SMIM10L1: variants seen among roughly 807,000 people sequenced by gnomAD.
SMIM10L1 encodes small integral membrane protein 10 like 1.
SMIM10L1 carries 6 observed loss-of-function variants against 4.5 expected under a neutral mutation model. The observed-to-expected ratio is 1.33, with a 90% confidence interval of 0.73 to 2.62. The LOEUF is 2.62. SMIM10L1 is among the 30% of genes most tolerant of loss of function. The pLI is 0.00. For missense variants in SMIM10L1, 66 were observed against 86.2 expected, an observed-to-expected ratio of 0.77 and a Z score of 0.93; for synonymous variants, 49 against 42.2, an observed-to-expected ratio of 1.16 and a Z score of -0.63.
rs1434313444 is a variant in SMIM10L1, at chr12:11,174,848, GA to G, written c.*3289del. On this transcript the variant is annotated 3_prime_UTR_variant, in exon 1 of 1. Transcript: ENST00000622602. ...GTAATTCTCACATATACCCTGTGAG[GA>G]AAACATTTTTATCATTTTTCAGAGA... The G allele has an allele frequency of 1.3e-5, 2 of 152,356 alleles. No individual in the cohort carries two copies. The highest frequency in any genetic ancestry group is 2.9e-5 in the Non-Finnish European group (2 of 67,976). The allele number at this position is 152,356 out of a possible 1,614,324, so 9.4% of individuals were successfully genotyped here.
At position 11,171,413 on chromosome 12, in the gene SMIM10L1, G is replaced by A. The variant is rs1434357769; in HGVS notation, c.57G>A (p.Ala19=). The A allele has an allele frequency of 2.4e-6, 3 of 1,232,042 alleles. No homozygotes were observed. Among genetic ancestry groups the A allele is most frequent in the Non-Finnish European group, 3.0e-6 (3 of 987,910 alleles). 76.3% of individuals were successfully genotyped at this position (1,232,042 alleles called of 1,614,324 possible). The part of the protein sequence containing the change: ...SLAVRASSPA[A]TPTSYGVFCK... ...CCGTCAGGGCCTCAAGCCCCGCCGC[G>A]ACACCCACCTCGTACGGCGTCTTCT... Residue 19 remains alanine, a synonymous_variant, in exon 1 of 1, where the codon GCG becomes GCA. Coordinates refer to ENST00000622602, the MANE Select transcript of SMIM10L1 (RefSeq NM_001271592.2).
In SMIM10L1 at chr12:11,175,805, T is replaced by C. The variant is rs1947938134; in HGVS notation, c.*4242T>C. 6.6e-6 allele frequency: 1 copy of C among 152,152 alleles called. No homozygotes were observed. Among genetic ancestry groups the C allele is most frequent in the East Asian group, 1.9e-4 (1 of 5,182 alleles). 9.4% of individuals were successfully genotyped at this position (152,152 alleles called of 1,614,324 possible). ...GGACCTTTGGGAGGTGATCAGGTCA[T>C]AAAGATGAAACCCTCGTGAATGGGA... On this transcript the variant is annotated 3_prime_UTR_variant, in exon 1 of 1. Transcript: ENST00000622602.
At position 11,174,681 on chromosome 12, in the gene SMIM10L1, TTG is replaced by T. The variant is rs933366839; in HGVS notation, c.*3120_*3121del. On this transcript the variant is annotated 3_prime_UTR_variant, in exon 1 of 1. Coordinates refer to ENST00000622602, the MANE Select transcript of SMIM10L1 (RefSeq NM_001271592.2). ...TGTAACCTAAGGGATAGGGGAAAAG[TTG>T]TTTTTTTTTTTTTAATTCTGGGTAA... 2 of 66,034 alleles carry T rather than the reference TTG, an allele frequency of 3.0e-5. No individual in the cohort carries two copies. Among genetic ancestry groups the T allele is most frequent in the East Asian group, 2.0e-3 (1 of 488 alleles). The allele number at this position is 66,034 out of a possible 1,614,324, so 4.1% of individuals were successfully genotyped here. A position where few individuals can be genotyped will look rare whatever the true frequency, so the allele number is the denominator to read the frequency against.
rs529239315 is a variant in SMIM10L1 at position 11,171,693 on chromosome 12, G to T, written c.*130G>T. On this transcript the variant is annotated 3_prime_UTR_variant, in exon 1 of 1. Coordinates refer to ENST00000622602, the MANE Select transcript of SMIM10L1 (RefSeq NM_001271592.2). The stretch of plus-strand genomic sequence containing the variant: ...GAGTGCTCAGGCGCTCTTCGTGGCT[G>T]CCCTCTTAGCTGCTAGCGGAGCTCC... The T allele has an allele frequency of 3.6e-5, 22 of 604,292 alleles. No individual in the cohort carries two copies. Among genetic ancestry groups the T allele is most frequent in the Non-Finnish European group, 4.6e-5 (19 of 415,154 alleles). The allele number at this position is 604,292 out of a possible 1,614,324, so 37.4% of individuals were successfully genotyped here.
Position 11,175,485 on chromosome 12 carries a change from AT to A in SMIM10L1, c.*3923del, listed in dbSNP as rs1947934814. ...AGGGGTAGGATGAAAGTTGAGGAAT[AT>A]AGGGACAAAAGATGAGGGAAAGGAA... On this transcript the variant is annotated 3_prime_UTR_variant, in exon 1 of 1. Transcript: ENST00000622602. 1 of 152,344 alleles carries A rather than the reference AT, an allele frequency of 6.6e-6. No homozygotes were observed. Among genetic ancestry groups the A allele is most frequent in the African/African-American group, 2.4e-5 (1 of 41,574 alleles). 9.4% of individuals were successfully genotyped at this position (152,344 alleles called of 1,614,324 possible). A position where few individuals can be genotyped will look rare whatever the true frequency, so the allele number is the denominator to read the frequency against.
chr12:11,172,396 A>G lies in SMIM10L1; in HGVS notation c.*833A>G, dbSNP rs896049493. On this transcript the variant is annotated 3_prime_UTR_variant, in exon 1 of 1. Coordinates refer to ENST00000622602, the MANE Select transcript of SMIM10L1 (RefSeq NM_001271592.2). ...AAAATACAAGTGGGAATGTTGAAGG[A>G]GGGCGGGGGAAGTAAATGGAATGGG... 6.6e-6 allele frequency: 1 copy of G among 151,794 alleles called. No homozygotes were observed. The highest frequency in any genetic ancestry group is 2.4e-5 in the African/African-American group (1 of 41,246). 9.4% of individuals were successfully genotyped at this position (151,794 alleles called of 1,614,324 possible).
At position 11,171,413 on chromosome 12, in the gene SMIM10L1, G is replaced by C. The variant is rs1434357769; in HGVS notation, c.57G>C (p.Ala19=). The part of the protein sequence containing the change: ...SLAVRASSPA[A]TPTSYGVFCK... ...CCGTCAGGGCCTCAAGCCCCGCCGC[G>C]ACACCCACCTCGTACGGCGTCTTCT... Residue 19 remains alanine, a synonymous_variant, in exon 1 of 1, where the codon GCG becomes GCC. Transcript: ENST00000622602. 3 of 1,232,042 alleles carry C rather than the reference G, an allele frequency of 2.4e-6. No homozygotes were observed. Among genetic ancestry groups the C allele is most frequent in the Non-Finnish European group, 2.0e-6 (2 of 987,910 alleles). 76.3% of individuals were successfully genotyped at this position (1,232,042 alleles called of 1,614,324 possible).
In SMIM10L1 at chr12:11,171,318, C is replaced by G. The variant is rs1047420616; in HGVS notation, c.-39C>G. On this transcript the variant is annotated 5_prime_UTR_variant, in exon 1 of 1. Transcript: ENST00000622602. ...GGAGGTCCGCGGGCCCTGCGGCAACCCTCGCTACAGACGCTGGGCGGGCGG... is the reference window on the plus strand; with the variant it reads ...GGAGGTCCGCGGGCCCTGCGGCAACGCTCGCTACAGACGCTGGGCGGGCGG... The G allele has an allele frequency of 3.3e-6, 4 of 1,213,496 alleles. No homozygotes were observed. The African/African-American group carries it at 6.2e-5, about 19-fold the overall frequency. The allele number at this position is 1,213,496 out of a possible 1,614,324, so 75.2% of individuals were successfully genotyped here.
Position 11,171,951 on chromosome 12 carries a change from G to T in SMIM10L1, c.*388G>T. On this transcript the variant is annotated 3_prime_UTR_variant, in exon 1 of 1. Transcript: ENST00000622602. Reference sequence around the variant, plus strand: ...CGGGAATCCTCGGACTGGATTGTAAGCAAGATTTCAATGAATAAGAAGCTG... The same window carrying T: ...CGGGAATCCTCGGACTGGATTGTAATCAAGATTTCAATGAATAAGAAGCTG... The T allele has an allele frequency of 6.3e-6, 1 of 159,002 alleles. No individual in the cohort carries two copies. Among genetic ancestry groups the T allele is most frequent in the Non-Finnish European group, 1.4e-5 (1 of 72,784 alleles). The allele number at this position is 159,002 out of a possible 1,614,324, so 9.8% of individuals were successfully genotyped here.
rs1565732104 is a variant in SMIM10L1 at position 11,172,166 on chromosome 12, TC to T, written c.*605del. 6.6e-6 allele frequency: 1 copy of T among 152,226 alleles called. No individual in the cohort carries two copies. The highest frequency in any genetic ancestry group is 1.5e-5 in the Non-Finnish European group (1 of 68,040). 9.4% of individuals were successfully genotyped at this position (152,226 alleles called of 1,614,324 possible). A position where few individuals can be genotyped will look rare whatever the true frequency, so the allele number is the denominator to read the frequency against. ...AAGAAAATGGGCTCTACTTCAGTGA[TC>T]CTGTGGCAGGACGTGGATCAAGACT... is the stretch of plus-strand genomic sequence containing the variant. On this transcript the variant is annotated 3_prime_UTR_variant, in exon 1 of 1. Coordinates refer to ENST00000622602, the MANE Select transcript of SMIM10L1 (RefSeq NM_001271592.2).
At position 11,173,793 on chromosome 12, in the gene SMIM10L1, A is replaced by T. The variant is rs1327132147; in HGVS notation, c.*2230A>T. The T allele has an allele frequency of 1.3e-5, 2 of 152,034 alleles. No homozygotes were observed. Among genetic ancestry groups the T allele is most frequent in the Non-Finnish European group, 2.9e-5 (2 of 67,990 alleles). The allele number at this position is 152,034 out of a possible 1,614,324, so 9.4% of individuals were successfully genotyped here. A position where few individuals can be genotyped will look rare whatever the true frequency, so the allele number is the denominator to read the frequency against. ...CTTTGTATTTATTACATCCTCCAACATAATTGGCAGCTCTGTGAGGGAAGA... is the reference window on the plus strand; with the variant it reads ...CTTTGTATTTATTACATCCTCCAACTTAATTGGCAGCTCTGTGAGGGAAGA... On this transcript the variant is annotated 3_prime_UTR_variant, in exon 1 of 1. Coordinates refer to ENST00000622602, the MANE Select transcript of SMIM10L1 (RefSeq NM_001271592.2).
In SMIM10L1 at chr12:11,174,362, T is replaced by C. The variant is rs1947917236; in HGVS notation, c.*2799T>C. On this transcript the variant is annotated 3_prime_UTR_variant, in exon 1 of 1. Transcript: ENST00000622602. Reference sequence around the variant, plus strand: ...TAGCTAATAAATATTGTTGAATGGATAGATGAATGGCAATTTTGTTGGTAT... The same window carrying C: ...TAGCTAATAAATATTGTTGAATGGACAGATGAATGGCAATTTTGTTGGTAT... The C allele has an allele frequency of 2.0e-5, 3 of 152,254 alleles. No homozygotes were observed. The South Asian group carries it at 6.2e-4, about 32-fold the overall frequency. The allele number at this position is 152,254 out of a possible 1,614,324, so 9.4% of individuals were successfully genotyped here.
In SMIM10L1 at chr12:11,171,594, C is replaced by T; in HGVS notation, c.*31C>T. 2 of 1,223,366 alleles carry T rather than the reference C, an allele frequency of 1.6e-6. No homozygotes were observed. The highest frequency in any genetic ancestry group is 2.0e-6 in the Non-Finnish European group (2 of 979,960). 75.8% of individuals were successfully genotyped at this position (1,223,366 alleles called of 1,614,324 possible). On this transcript the variant is annotated 3_prime_UTR_variant, in exon 1 of 1. Transcript: ENST00000622602. Reference sequence around the variant, plus strand: ...TGACTAAGCTAACGGCCTCCGGGGCCAGCATGATGGCCGACTCCCAGGGTC... The same window carrying T: ...TGACTAAGCTAACGGCCTCCGGGGCTAGCATGATGGCCGACTCCCAGGGTC...
rs1267468092 is a variant in SMIM10L1 at position 11,175,526 on chromosome 12, G to C, written c.*3963G>C. The C allele has an allele frequency of 6.6e-6, 1 of 152,184 alleles. No individual in the cohort carries two copies. The highest frequency in any genetic ancestry group is 1.5e-5 in the Non-Finnish European group (1 of 68,022). The allele number at this position is 152,184 out of a possible 1,614,324, so 9.4% of individuals were successfully genotyped here. ...AGGGAAAGGAATATCCTAATACTTG[G>C]AAGTTTGAGCATGGAAAGTAGTCTA... is the stretch of plus-strand genomic sequence containing the variant. On this transcript the variant is annotated 3_prime_UTR_variant, in exon 1 of 1. Coordinates refer to ENST00000622602, the MANE Select transcript of SMIM10L1 (RefSeq NM_001271592.2).
rs1565734030 is a variant in SMIM10L1 at position 11,174,185 on chromosome 12, AAAC to A, written c.*2625_*2627del. On this transcript the variant is annotated 3_prime_UTR_variant, in exon 1 of 1. Coordinates refer to ENST00000622602, the MANE Select transcript of SMIM10L1 (RefSeq NM_001271592.2). Reference sequence around the variant, plus strand: ...AATTCAGTGAAATTCCCAGGAGACAAAACAAGATTTTGACCTGAATAAACCACT... The same window carrying A: ...AATTCAGTGAAATTCCCAGGAGACAAAAGATTTTGACCTGAATAAACCACT... 6.6e-6 allele frequency: 1 copy of A among 152,022 alleles called. No homozygotes were observed. Among genetic ancestry groups the A allele is most frequent in the Non-Finnish European group, 1.5e-5 (1 of 67,982 alleles). 9.4% of individuals were successfully genotyped at this position (152,022 alleles called of 1,614,324 possible). A position where few individuals can be genotyped will look rare whatever the true frequency, so the allele number is the denominator to read the frequency against.
rs1179527934 is a variant in SMIM10L1, at chr12:11,175,475, G to A, written c.*3912G>A. The A allele has an allele frequency of 1.3e-5, 2 of 152,176 alleles. No homozygotes were observed. Among genetic ancestry groups the A allele is most frequent in the Non-Finnish European group, 2.9e-5 (2 of 68,028 alleles). 9.4% of individuals were successfully genotyped at this position (152,176 alleles called of 1,614,324 possible). The stretch of plus-strand genomic sequence containing the variant: ...AGAAGCATAAAGGGGTAGGATGAAA[G>A]TTGAGGAATATAGGGACAAAAGATG... On this transcript the variant is annotated 3_prime_UTR_variant, in exon 1 of 1. Coordinates refer to ENST00000622602, the MANE Select transcript of SMIM10L1 (RefSeq NM_001271592.2).
rs1947871737 is a variant in SMIM10L1, at chr12:11,172,235, G to C, written c.*672G>C. 1 of 152,186 alleles carries C rather than the reference G, an allele frequency of 6.6e-6. No individual in the cohort carries two copies. Among genetic ancestry groups the C allele is most frequent in the South Asian group, 2.1e-4 (1 of 4,822 alleles). The allele number at this position is 152,186 out of a possible 1,614,324, so 9.4% of individuals were successfully genotyped here. ...AAATCCCATAGTAGCACAAAGCTTG[G>C]CTGTTCAGTGAATAACATTTAAATA... is the stretch of plus-strand genomic sequence containing the variant. On this transcript the variant is annotated 3_prime_UTR_variant, in exon 1 of 1. Coordinates refer to ENST00000622602, the MANE Select transcript of SMIM10L1 (RefSeq NM_001271592.2).
chr12:11,174,165 A>G lies in SMIM10L1; in HGVS notation c.*2602A>G, dbSNP rs1443715352. 6.6e-6 allele frequency: 1 copy of G among 152,082 alleles called. No homozygotes were observed. The highest frequency in any genetic ancestry group is 1.5e-5 in the Non-Finnish European group (1 of 67,986). 9.4% of individuals were successfully genotyped at this position (152,082 alleles called of 1,614,324 possible). On this transcript the variant is annotated 3_prime_UTR_variant, in exon 1 of 1. Transcript: ENST00000622602. ...GTTTGCCTCCTACATGATGCAATTC[A>G]GTGAAATTCCCAGGAGACAAAACAA...
At position 11,173,472 on chromosome 12, in the gene SMIM10L1, G is replaced by A. The variant is rs2900127; in HGVS notation, c.*1909G>A. The A allele has an allele frequency of 0.75, 113,350 of 152,086 alleles. 44,741 individuals are homozygous for A. Among genetic ancestry groups the A allele is most frequent in the East Asian group, 0.96 (4,985 of 5,186 alleles). 9.4% of individuals were successfully genotyped at this position (152,086 alleles called of 1,614,324 possible). On this transcript the variant is annotated 3_prime_UTR_variant, in exon 1 of 1. Transcript: ENST00000622602. ...ATTTTTCCCTAATCGTGCATCAACT[G>A]TCTGTTTTATATACCCAAGACAGGT...
Sources: allele counts gnomAD v4.1 joint callset, GRCh38; gene constraint gnomAD v4.1.1; transcripts MANE v1.5; gene names NCBI Gene and HGNC (gene_info 2026-07-23, HGNC 2026-07-21).